Variants in GRIK1 observed in about 807,000 individuals in gnomAD.
GRIK1 encodes glutamate receptor ionotropic, kainate 1.
A neutral mutation model predicts 105.7 loss-of-function variants in GRIK1; 69 were observed. That is an observed-to-expected ratio of 0.65 (90% CI 0.54 to 0.80). GRIK1 has a LOEUF of 0.80. Ranked by LOEUF, GRIK1 falls within the 30% of genes least tolerant of loss-of-function variation. The pLI is 0.00. For synonymous variants in GRIK1, 438 were observed against 431.3 expected, an observed-to-expected ratio of 1.02 and a Z score of -0.19; for missense variants, 1,109 against 1,167.3, an observed-to-expected ratio of 0.95 and a Z score of 0.73.
chr21:29,822,512 A>G (rs928523263), intron 1 of GRIK1, among the ~76,000 whole-genome samples: 2 of 152,064 alleles, frequency 1.3e-5, no homozygotes, highest in African/African-American at 4.8e-5. Context: ...TGCTCAGAAT[A>G]GACGGCCCCT....
chr21:29,810,303 A>G (rs1465722711), intron 1 of GRIK1, among the ~76,000 whole-genome samples: 1 of 152,092 alleles, frequency 6.6e-6, no homozygotes, highest in Non-Finnish European at 1.5e-5. Context: ...TCTTAAAAAA[A>G]AAAAAAAAAT....
intron 16 of GRIK1, among the ~76,000 whole-genome samples, chr21:29,546,742 T>A (rs2146103231): frequency 6.6e-6 from 1 of 152,380 alleles, no homozygotes; most frequent in South Asian, 2.1e-4. Context: ...ACATATTCAA[T>A]GAAACATCTG....
At chr21:29,697,998 T>TTTCTTTCTTTCC (rs1187603264) in intron 1 of GRIK1, among the ~76,000 whole-genome samples, 3 of 151,368 alleles carry the variant, frequency 2.0e-5, no homozygotes, top group Non-Finnish European at 4.4e-5. Context: ...TTTCTTTCTC[T>TTTCTTTCTTTCC]TTCTTTCTTT....
intron 4 of GRIK1, among the ~76,000 whole-genome samples, chr21:29,665,920 C>T (rs548450154): frequency 1.4e-4 from 22 of 152,260 alleles, no homozygotes; most frequent in African/African-American, 4.8e-4. Context: ...CAGTCAAACA[C>T]GTAGCATATT....
chr21:29,673,086 C>G lies in GRIK1; in HGVS notation c.623G>C (p.Gly208Ala). 1 of 1,611,256 alleles carries G rather than the reference C, an allele frequency of 6.2e-7. No individual in the cohort carries two copies. The highest frequency in any genetic ancestry group is 8.5e-7 in the Non-Finnish European group (1 of 1,177,490). Residue 208 changes from glycine (G) to alanine (A), a missense_variant, in exon 4 of 18, where the codon GGG becomes GCG. Coordinates refer to ENST00000327783, the MANE Select transcript of GRIK1 (RefSeq NM_001330994.2). ...IKIKIRQLPS[G>A]NKDAKPLLKE... Reference sequence around the variant, plus strand: ...GAGTAAAGGCTTGGCATCTTTATTCCCAGAGGGCAGCTGGCGGATTTTGAT... The same window carrying G: ...GAGTAAAGGCTTGGCATCTTTATTCGCAGAGGGCAGCTGGCGGATTTTGAT...
intron 1 of GRIK1, among the ~76,000 whole-genome samples, chr21:29,811,755 C>T (rs893917604): frequency 2.0e-5 from 3 of 152,148 alleles, no homozygotes; most frequent in African/African-American, 7.2e-5. Context: ...AAGCTTTAAC[C>T]TGCCTGCTTA....
chr21:29,550,107 C>CAAAAAAAAAAAAAAAAAAAAAAAAA (rs34939329), intron 16 of GRIK1, among the ~76,000 whole-genome samples: 1 of 53,476 alleles, frequency 1.9e-5, no homozygotes, highest in African/African-American at 8.5e-5. Flanking sequence ...GACTCCATCT[C>CAAAAAAAAAAAAAAAAAAAAAAAAA]AAAAAAAAAA....
intron 15 of GRIK1, among the ~76,000 whole-genome samples, chr21:29,557,722 T>G (rs572132302): frequency 6.6e-6 from 1 of 152,316 alleles, no homozygotes; most frequent in South Asian, 2.1e-4. Context: ...AATTAAAAGA[T>G]ATTGGCTGTT....
intron 17 of GRIK1, 125 bp from the exon 18 acceptor site, chr21:29,537,510 C>T: frequency 1.3e-6 from 1 of 766,826 alleles, no homozygotes; most frequent in Non-Finnish European, 2.1e-6. Flanking sequence ...TCACAATTGG[C>T]CAGTTCCCAT....
At chr21:29,873,305 A>G (rs1293021299) in intron 1 of GRIK1, among the ~76,000 whole-genome samples, 1 of 152,196 alleles carries the variant, frequency 6.6e-6, no homozygotes, top group Non-Finnish European at 1.5e-5. Context: ...AGGGATTTTA[A>G]TATGTTAAAA....
At chr21:29,600,920 C>T (rs1486982054) in intron 7 of GRIK1, among the ~76,000 whole-genome samples, 1 of 152,168 alleles carries the variant, frequency 6.6e-6, no homozygotes, top group Non-Finnish European at 1.5e-5. Context: ...CAATTTTCAC[C>T]AGCACATAAA....
intron 10 of GRIK1, 57 bp downstream of exon 10, chr21:29,591,054 TC>T (rs1212818296): frequency 1.1e-6 from 1 of 923,702 alleles, no homozygotes; most frequent in Non-Finnish European, 1.8e-6. Context: ...GAGGAATGCT[TC>T]GAAGTCTAAG....
intron 1 of GRIK1, among the ~76,000 whole-genome samples, chr21:29,874,193 T>C (rs999135005): frequency 2.0e-5 from 3 of 151,988 alleles, no homozygotes; most frequent in Non-Finnish European, 4.4e-5. Flanking sequence ...CACTGAAAAA[T>C]AATGGGTTTA....
At chr21:29,899,207 T>C (rs1008227400) in intron 1 of GRIK1, among the ~76,000 whole-genome samples, 2 of 152,236 alleles carry the variant, frequency 1.3e-5, no homozygotes, top group Non-Finnish European at 2.9e-5. Context: ...AACACCTAAA[T>C]TTGTGATTAG....
chr21:29,898,243 G>T (rs561780665), intron 1 of GRIK1, among the ~76,000 whole-genome samples: 3 of 152,262 alleles, frequency 2.0e-5, no homozygotes, highest in South Asian at 4.1e-4. Flanking sequence ...CAGAACAAAA[G>T]TCCCTGCCCC....
rs1438535826 is a variant in GRIK1, at chr21:29,867,858, AAGAG to A, written c.118+71521_118+71524del. ...AAAGAAAGAAGGAAGGAAAGAGAGA[AAGAG>A]AGAGAAAGAGAGAAAGAGAGAGAAA... On this transcript the variant is annotated intron_variant, in intron 1 of 17. Coordinates refer to ENST00000327783, the MANE Select transcript of GRIK1 (RefSeq NM_001330994.2). Among the ~76,000 whole-genome samples the A allele has an allele frequency of 3.7e-3, 391 of 106,526 alleles. 9 individuals are homozygous for A. The highest frequency in any genetic ancestry group is 0.013 in the African/African-American group (360 of 28,668). 69.9% of individuals were successfully genotyped at this position (106,526 alleles called of 152,430 possible).
intron 2 of GRIK1, among the ~76,000 whole-genome samples, chr21:29,691,656 G>T (rs185803759): frequency 6.6e-6 from 1 of 151,998 alleles, no homozygotes; most frequent in African/African-American, 2.4e-5. Context: ...AATTTAGAAC[G>T]GTCATCAGAT....
chr21:29,932,810 A>C (rs2071613220), intron 1 of GRIK1, among the ~76,000 whole-genome samples: 1 of 151,998 alleles, frequency 6.6e-6, no homozygotes, highest in South Asian at 2.1e-4. Flanking sequence ...GAATAGGTTA[A>C]ATTGTAAATA....
At chr21:29,562,683 A>G (rs2017525944) in intron 14 of GRIK1, among the ~76,000 whole-genome samples, 1 of 152,044 alleles carries the variant, frequency 6.6e-6, no homozygotes, top group Admixed American at 6.6e-5. Context: ...AAATCTTCAT[A>G]CTGTATTTAT....
Sources: gnomAD v4.1 joint callset for allele counts (sites outside exome capture counted in the v4.1 genomes callset) on GRCh38, gnomAD v4.1.1 for gene constraint, MANE v1.5 for transcripts, NCBI Gene and HGNC (gene_info 2026-07-23, HGNC 2026-07-21) for gene names.